DSCAM: variants seen among roughly 807,000 people sequenced by gnomAD.
DSCAM encodes cell adhesion molecule DSCAM.
A neutral mutation model predicts 217.7 loss-of-function variants in DSCAM; 47 were observed. That is an observed-to-expected ratio of 0.22 (90% CI 0.17 to 0.28). The LOEUF (loss-of-function observed/expected upper bound fraction) is 0.28, where lower values mean the gene tolerates loss of function less well. Among genes scored for constraint, DSCAM ranks in the 10% least tolerant of loss-of-function variants. The pLI is 1.00. For synonymous variants in DSCAM, 1,056 were observed against 1,015.3 expected (o/e 1.04, Z -0.76); for missense variants, 2,080 against 2,618.3 (o/e 0.79, Z 4.49).
At chr21:40,843,705 G>A (rs1289793660) in intron 1 of DSCAM, among the ~76,000 whole-genome samples, 5 of 151,400 alleles carry the variant, frequency 3.3e-5, no homozygotes, top group African/African-American at 1.2e-4. Context: ...CAAATTGACT[G>A]CTTTAAAACA....
intron 3 of DSCAM, among the ~76,000 whole-genome samples, chr21:40,422,099 C>T (rs553358742): frequency 1.6e-4 from 24 of 152,202 alleles, no homozygotes; most frequent in Non-Finnish European, 2.5e-4. Context: ...CCTGCTCATG[C>T]CCATGGCAGA....
At chr21:40,584,710 G>T (rs144050901) in intron 3 of DSCAM, among the ~76,000 whole-genome samples, 1 of 152,254 alleles carries the variant, frequency 6.6e-6, no homozygotes, top group East Asian at 1.9e-4. Flanking sequence ...TGCGGAGGGG[G>T]TTCTCTCGGT....
intron 4 of DSCAM, among the ~76,000 whole-genome samples, chr21:40,366,173 T>C (rs569507750): frequency 3.3e-5 from 5 of 152,310 alleles, no homozygotes; most frequent in Admixed American, 3.3e-4. Context: ...TAATATGTAG[T>C]CATTATGCAT....
At chr21:40,795,700 T>C (rs1342670176) in intron 1 of DSCAM, among the ~76,000 whole-genome samples, 25 of 152,224 alleles carry the variant, frequency 1.6e-4, no homozygotes, top group Admixed American at 1.4e-3. Flanking sequence ...AGGGGAAATC[T>C]AGTGATCTGA....
At chr21:40,564,012 C>T (rs1191283094) in intron 3 of DSCAM, among the ~76,000 whole-genome samples, 5 of 152,098 alleles carry the variant, frequency 3.3e-5, no homozygotes, top group African/African-American at 7.2e-5. Flanking sequence ...AAAAGGCACG[C>T]GGCTGAAAGC....
At chr21:40,250,232 C>A (rs564096348) in intron 11 of DSCAM, among the ~76,000 whole-genome samples, 1 of 152,304 alleles carries the variant, frequency 6.6e-6, no homozygotes, top group East Asian at 1.9e-4. Context: ...GGGACCCCAA[C>A]ACTCTTCATG....
chr21:40,520,856 G>A (rs1222061274), intron 3 of DSCAM, among the ~76,000 whole-genome samples: 2 of 152,092 alleles, frequency 1.3e-5, no homozygotes, highest in Admixed American at 1.3e-4. Flanking sequence ...GATGTAGTGT[G>A]TATATAAGGA....
At chr21:40,640,916 T>C (rs566528504) in intron 3 of DSCAM, among the ~76,000 whole-genome samples, 86 of 152,282 alleles carry the variant, frequency 5.6e-4, no homozygotes, top group African/African-American at 2.0e-3. Context: ...TACGGTGTTT[T>C]ACACAGTACG....
At position 40,573,904 on chromosome 21, in the gene DSCAM, C is replaced by T. The variant is rs1195776089; in HGVS notation, c.508+118906G>A. Among the ~76,000 whole-genome samples, 8 of 152,228 alleles carry T rather than the reference C, an allele frequency of 5.3e-5. No homozygotes were observed. In the South Asian group the frequency reaches 6.2e-4, roughly 12 times the overall value. On this transcript the variant is annotated intron_variant, in intron 3 of 32. Transcript: ENST00000400454. ...TATATAAAACAGATTCCTTTAAAAA[C>T]GCATCTTATCACAACTGATGCAAGA...
intron 3 of DSCAM, among the ~76,000 whole-genome samples, chr21:40,606,698 G>A (rs2089243795): frequency 6.6e-6 from 1 of 152,248 alleles, no homozygotes; most frequent in Non-Finnish European, 1.5e-5. Context: ...ACAGCTCAGA[G>A]CAAATGTACC....
chr21:40,309,842 C>T (rs1431856724), intron 9 of DSCAM, among the ~76,000 whole-genome samples: 1 of 152,176 alleles, frequency 6.6e-6, no homozygotes, highest in Non-Finnish European at 1.5e-5. Context: ...AGCCTGTTAA[C>T]TACTCTTCTT....
At chr21:40,589,108 C>T (rs2146239331) in intron 3 of DSCAM, among the ~76,000 whole-genome samples, 1 of 148,998 alleles carries the variant, frequency 6.7e-6, no homozygotes, top group African/African-American at 2.5e-5. Flanking sequence ...CTATTATTCA[C>T]AACGAAATTG....
chr21:40,451,807 A>G (rs1368443224), intron 3 of DSCAM, among the ~76,000 whole-genome samples: 1 of 152,204 alleles, frequency 6.6e-6, no homozygotes, highest in East Asian at 1.9e-4. Context: ...TTATTGGAAC[A>G]CTAAACATGT....
chr21:40,785,950 C>T (rs1460169772), intron 1 of DSCAM, among the ~76,000 whole-genome samples: 3 of 152,130 alleles, frequency 2.0e-5, no homozygotes, highest in African/African-American at 4.8e-5. Flanking sequence ...TAAAAGAAAT[C>T]ATCTGGCCGG....
At chr21:40,153,477 G>C (rs772409356) in intron 16 of DSCAM, among the ~76,000 whole-genome samples, 4 of 152,228 alleles carry the variant, frequency 2.6e-5, no homozygotes, top group Non-Finnish European at 4.4e-5. Context: ...TGCAAGGACA[G>C]AAGACACCCA....
intron 3 of DSCAM, among the ~76,000 whole-genome samples, chr21:40,433,228 A>G (rs1446757122): frequency 6.6e-6 from 1 of 151,956 alleles, no homozygotes; most frequent in East Asian, 1.9e-4. Flanking sequence ...CATGGTAGGT[A>G]GTCCCAGCTA....
At chr21:40,422,574 G>A (rs1422368607) in intron 3 of DSCAM, among the ~76,000 whole-genome samples, 2 of 152,074 alleles carry the variant, frequency 1.3e-5, no homozygotes, top group Admixed American at 6.5e-5. Flanking sequence ...TTCAGGAGGC[G>A]GAGGTTGCAG....
rs949304871 is a variant in DSCAM, at chr21:40,544,065, G to T, written c.508+148745C>A. Among the ~76,000 whole-genome samples the T allele has an allele frequency of 2.6e-5, 4 of 152,090 alleles. No individual in the cohort carries two copies. The South Asian group carries it at 8.3e-4, about 32-fold the overall frequency. On this transcript the variant is annotated intron_variant, in intron 3 of 32. Transcript: ENST00000400454. ...TTGGGTTTAACCAAGAGGATACCTG[G>T]AAGTGAGGGGTGAGCCATCGCACTG...
At chr21:40,840,585 T>C (rs552999912) in intron 1 of DSCAM, among the ~76,000 whole-genome samples, 1 of 152,168 alleles carries the variant, frequency 6.6e-6, no homozygotes, top group Non-Finnish European at 1.5e-5. Context: ...AGCAATTACA[T>C]AGCTGTTGTG....
Sources: allele counts gnomAD v4.1 joint callset (sites outside exome capture counted in the v4.1 genomes callset), GRCh38; gene constraint gnomAD v4.1.1; transcripts MANE v1.5; gene names NCBI Gene and HGNC (gene_info 2026-07-23, HGNC 2026-07-21).